CDH13: variants seen among roughly 807,000 people sequenced by gnomAD.
CDH13 encodes the protein cadherin-13.
In CDH13, 24 loss-of-function variants were observed where a neutral mutation model predicts 63.8. That is an observed-to-expected ratio of 0.38 (90% CI 0.27 to 0.53). The LOEUF is 0.53. Among genes scored for constraint, CDH13 ranks in the 20% least tolerant of loss-of-function variants. The pLI is 0.85. For synonymous variants in CDH13, 503 were observed against 355.3 expected, an observed-to-expected ratio of 1.42 and a Z score of -4.67; for missense variants, 1,049 against 903.1, an observed-to-expected ratio of 1.16 and a Z score of -2.07.
intron 1 of CDH13, among the ~76,000 whole-genome samples, chr16:82,667,532 G>C (rs1186398439): frequency 1.3e-5 from 2 of 152,146 alleles, no homozygotes; most frequent in African/African-American, 4.8e-5. Flanking sequence ...ATGTATGATG[G>C]GGCTCCTCTA....
rs888689305 is a variant in CDH13 at position 82,644,003 on chromosome 16, G to C, written c.45+16866G>C. Among the ~76,000 whole-genome samples the C allele has an allele frequency of 1.3e-5, 2 of 152,168 alleles. No individual in the cohort carries two copies. Among genetic ancestry groups the C allele is most frequent in the Non-Finnish European group, 2.9e-5 (2 of 68,032 alleles). Reference sequence around the variant, plus strand: ...GGCTTCAAGTGATCCTCCAGGAGTAGCTGGCATTACAGGCTTGGCTGACTT... The same window carrying C: ...GGCTTCAAGTGATCCTCCAGGAGTACCTGGCATTACAGGCTTGGCTGACTT... On this transcript the variant is annotated intron_variant, in intron 1 of 13. Transcript: ENST00000567109. The surrounding 1 kb of genome is among the most constrained non-coding windows in gnomAD (Gnocchi z 5.7).
chr16:83,628,817 C>T (rs1910542948), intron 8 of CDH13, among the ~76,000 whole-genome samples: 1 of 152,138 alleles, frequency 6.6e-6, no homozygotes, highest in Non-Finnish European at 1.5e-5. Flanking sequence ...TGAAATAAAA[C>T]CAAAATTGCT....
Position 83,799,580 on chromosome 16 carries a change from C to T in CDH13, c.*4550C>T, listed in dbSNP as rs1008114561. On this transcript the variant is annotated 3_prime_UTR_variant, in exon 14 of 14. Coordinates refer to ENST00000567109, the MANE Select transcript of CDH13 (RefSeq NM_001257.5). ...GTCACACCAACAGGAAACCCAAGCACTAAAAAAGCCACCTACCTTTTCTGT... is the reference window on the plus strand; with the variant it reads ...GTCACACCAACAGGAAACCCAAGCATTAAAAAAGCCACCTACCTTTTCTGT... 1 of 152,122 alleles carries T rather than the reference C, an allele frequency of 6.6e-6. No homozygotes were observed. 9.4% of individuals were successfully genotyped at this position (152,122 alleles called of 1,614,324 possible).
At chr16:83,104,072 C>G (rs1376615891) in intron 3 of CDH13, among the ~76,000 whole-genome samples, 1 of 152,128 alleles carries the variant, frequency 6.6e-6, no homozygotes, top group Non-Finnish European at 1.5e-5. Context: ...GGAGACTGAT[C>G]CTTCTGGCTT....
chr16:83,487,412 G>T (rs1327243723), intron 7 of CDH13, among the ~76,000 whole-genome samples: 1 of 152,158 alleles, frequency 6.6e-6, no homozygotes, highest in African/African-American at 2.4e-5. Context: ...TGTGAGGTGT[G>T]ATGCTCCAGT....
At chr16:83,127,008 C>T (rs181141409) in intron 4 of CDH13, among the ~76,000 whole-genome samples, 1 of 152,082 alleles carries the variant, frequency 6.6e-6, no homozygotes, top group Non-Finnish European at 1.5e-5. Context: ...GCTGTGATGG[C>T]TGGTTGGAGG....
chr16:83,171,844 G>C (rs1335149434), intron 4 of CDH13, among the ~76,000 whole-genome samples: 1 of 152,102 alleles, frequency 6.6e-6, no homozygotes, highest in East Asian at 1.9e-4. Flanking sequence ...ATCAACATAA[G>C]AAATTTAATG....
At chr16:83,326,165 A>G (rs1337873086) in intron 5 of CDH13, among the ~76,000 whole-genome samples, 1 of 152,192 alleles carries the variant, frequency 6.6e-6, no homozygotes, top group Non-Finnish European at 1.5e-5. Flanking sequence ...TCATCTTTCC[A>G]GAACATGAGA....
chr16:82,724,408 T>G (rs1401862014), intron 1 of CDH13, among the ~76,000 whole-genome samples: 1 of 152,224 alleles, frequency 6.6e-6, no homozygotes, highest in Non-Finnish European at 1.5e-5. Context: ...TTAATTCAAA[T>G]GACAGTCCTA....
chr16:82,904,948 C>T (rs112887773), intron 2 of CDH13, among the ~76,000 whole-genome samples: 31 of 151,802 alleles, frequency 2.0e-4, no homozygotes, highest in African/African-American at 5.6e-4. Flanking sequence ...TAAATGAACC[C>T]AGGTTTCTCC....
intron 2 of CDH13, among the ~76,000 whole-genome samples, chr16:82,952,215 G>A (rs138113352): frequency 7.2e-5 from 11 of 152,280 alleles, no homozygotes; most frequent in East Asian, 3.9e-4. Context: ...CCCGAGAAGC[G>A]CATGGGCCTG....
intron 1 of CDH13, among the ~76,000 whole-genome samples, chr16:82,678,163 A>C (rs1217858866): frequency 2.6e-5 from 4 of 152,150 alleles, no homozygotes; most frequent in Non-Finnish European, 4.4e-5. Context: ...GTTGTGGCCA[A>C]ACATGCTGTG....
chr16:83,595,418 G>A (rs1907158074), intron 7 of CDH13, among the ~76,000 whole-genome samples: 1 of 152,196 alleles, frequency 6.6e-6, no homozygotes, highest in Admixed American at 6.5e-5. Context: ...TGAAAACTTT[G>A]TCATCCACTT....
intron 4 of CDH13, among the ~76,000 whole-genome samples, chr16:83,163,446 C>T: frequency 6.6e-6 from 1 of 152,074 alleles, no homozygotes; most frequent in East Asian, 1.9e-4. Flanking sequence ...CGCCCGCTAA[C>T]CTCCTCTTGT....
At chr16:82,689,981 C>CCAAAAAAAAAAAAAAA (rs1915472581) in intron 1 of CDH13, among the ~76,000 whole-genome samples, 2 of 6,484 alleles carry the variant, frequency 3.1e-4, no homozygotes, top group Admixed American at 3.4e-3. Flanking sequence ...GCCATCTCTA[C>CCAAAAAAAAAAAAAAA]TAAAAAAAAA....
chr16:82,889,708 G>A (rs906235042), intron 2 of CDH13, among the ~76,000 whole-genome samples: 2 of 152,142 alleles, frequency 1.3e-5, no homozygotes, highest in African/African-American at 4.8e-5. Flanking sequence ...AGTTGGCTCT[G>A]TCTATGTTGT....
At chr16:82,648,553 T>C (rs1213294432) in intron 1 of CDH13, among the ~76,000 whole-genome samples, 3 of 152,144 alleles carry the variant, frequency 2.0e-5, no homozygotes, top group Non-Finnish European at 4.4e-5. Flanking sequence ...CAGGAGATTG[T>C]GTGTGCAGTA....
At chr16:82,981,385 C>T (rs1030243) in intron 2 of CDH13, among the ~76,000 whole-genome samples, 1 of 152,070 alleles carries the variant, frequency 6.6e-6, no homozygotes, top group Non-Finnish European at 1.5e-5. Context: ...GTCTTGAAGC[C>T]CTCTCCTTGA....
chr16:82,664,922 T>A lies in CDH13; in HGVS notation c.45+37785T>A, dbSNP rs1211482634. Among the ~76,000 whole-genome samples the A allele has an allele frequency of 4.6e-5, 7 of 152,314 alleles. No homozygotes were observed. In the East Asian group the frequency reaches 1.4e-3, roughly 29 times the overall value. On this transcript the variant is annotated intron_variant, in intron 1 of 13. Transcript: ENST00000567109. ...ACATGTATATATGCATATATATGTG[T>A]GTGTGTAATTGATTCTCATTATTCA...
Sources: gnomAD v4.1 joint callset for allele counts (sites outside exome capture counted in the v4.1 genomes callset) on GRCh38, gnomAD v4.1.1 for gene constraint, Gnocchi (gnomAD v3.1) non-coding constraint, MANE v1.5 for transcripts, NCBI Gene and HGNC (gene_info 2026-07-23, HGNC 2026-07-21) for gene names.